Variants in RYR3 observed in about 807,000 individuals in gnomAD.
RYR3 encodes ryanodine receptor 3.
A neutral mutation model predicts 584.3 loss-of-function variants in RYR3; 207 were observed. The ratio of observed to expected loss-of-function variants is 0.35; its 90% CI spans 0.32 to 0.40. The LOEUF is 0.40. RYR3 is among the 10% of genes least tolerant of loss of function. RYR3 has a pLI of 1.00. For missense variants in RYR3, 5,616 were observed against 6,089.2 expected (o/e 0.92, Z 2.59); for synonymous variants, 2,416 against 2,248.5 (o/e 1.07, Z -2.11).
chr15:33,594,165 C>T (rs1232996505), intron 16 of RYR3, among the ~76,000 whole-genome samples: 3 of 152,140 alleles, frequency 2.0e-5, no homozygotes, highest in African/African-American at 7.2e-5. Context: ...AATATGAGGC[C>T]ATTTGTTCCA....
intron 29 of RYR3, among the ~76,000 whole-genome samples, chr15:33,647,144 G>A (rs919289972): frequency 6.6e-6 from 1 of 152,154 alleles, no homozygotes; most frequent in African/African-American, 2.4e-5. Flanking sequence ...CTATTCAGAG[G>A]TATCCCTACT....
chr15:33,445,722 A>G (rs1022417729), intron 1 of RYR3, among the ~76,000 whole-genome samples: 2 of 123,846 alleles, frequency 1.6e-5, no homozygotes, highest in Non-Finnish European at 3.6e-5. Context: ...CACGAAAGCC[A>G]TTTGAGATTC....
intron 3 of RYR3, among the ~76,000 whole-genome samples, chr15:33,513,337 C>A (rs1456725623): frequency 1.3e-5 from 2 of 152,174 alleles, no homozygotes; most frequent in Non-Finnish European, 2.9e-5. Context: ...GCTAGAGAAA[C>A]CCTGATCTCA....
chr15:33,642,137 T>G (rs1163390039), intron 27 of RYR3, among the ~76,000 whole-genome samples: 1 of 152,124 alleles, frequency 6.6e-6, no homozygotes, highest in Non-Finnish European at 1.5e-5. Context: ...AAAAAAGAAG[T>G]CTTATGCAGT....
chr15:33,488,228 G>A (rs2050635099), intron 2 of RYR3, among the ~76,000 whole-genome samples: 1 of 152,170 alleles, frequency 6.6e-6, no homozygotes, highest in African/African-American at 2.4e-5. Context: ...TATTCAGTGT[G>A]TAAAGTAGCA....
intron 14 of RYR3, among the ~76,000 whole-genome samples, chr15:33,584,144 G>A (rs1450028524): frequency 6.6e-6 from 1 of 152,018 alleles, no homozygotes; most frequent in South Asian, 2.1e-4. Context: ...AGGCTGAGGC[G>A]AGAGGATCAC....
chr15:33,319,447 C>T (rs1968652284), intron 1 of RYR3, among the ~76,000 whole-genome samples: 1 of 152,190 alleles, frequency 6.6e-6, no homozygotes. Flanking sequence ...CAGTGGTTTT[C>T]CTCCAAGTAA....
chr15:33,861,249 A>G, intron 102 of RYR3, 71 bp downstream of exon 102: 1 of 1,136,374 alleles, frequency 8.8e-7, no homozygotes. Flanking sequence ...CATATAGTTC[A>G]GTCTCTGCTG....
intron 1 of RYR3, among the ~76,000 whole-genome samples, chr15:33,352,652 C>G (rs1973437861): frequency 6.6e-6 from 1 of 152,172 alleles, no homozygotes; most frequent in South Asian, 2.1e-4. Flanking sequence ...TACTTTGGGT[C>G]TGATACTCTT....
chr15:33,841,885 A>T lies in RYR3; in HGVS notation c.13059A>T (p.Glu4353Asp). Residue 4353 changes from glutamate (E) to aspartate (D), a missense_variant, in exon 91 of 104, where the codon GAA (glutamate) becomes GAT (aspartate). Transcript: ENST00000634891. Reference protein sequence around the residue: ...EKADMEDGEKEDKDKEEEQAE... With the variant: ...EKADMEDGEKDDKDKEEEQAE... ...GCAGCATGGAAGATGGAGAGAAGGA[A>T]GACAAAGACAAAGAAGAGGAGCAAG... 6.3e-7 allele frequency: 1 copy of T among 1,595,466 alleles called. No homozygotes were observed. Among genetic ancestry groups the T allele is most frequent in the South Asian group, 1.1e-5 (1 of 87,528 alleles).
At chr15:33,496,986 G>T (rs1400047871) in intron 2 of RYR3, among the ~76,000 whole-genome samples, 1 of 152,188 alleles carries the variant, frequency 6.6e-6, no homozygotes, top group Non-Finnish European at 1.5e-5. Context: ...CCCCAGAGCA[G>T]CTGGTACAGG....
chr15:33,784,680 C>T (rs566871319), intron 65 of RYR3, among the ~76,000 whole-genome samples: 1 of 152,108 alleles, frequency 6.6e-6, no homozygotes, highest in Non-Finnish European at 1.5e-5. Flanking sequence ...TCAATGGGTG[C>T]GTATGCAAAC....
intron 1 of RYR3, among the ~76,000 whole-genome samples, chr15:33,354,127 A>G (rs16969954): frequency 0.079 from 12,081 of 152,264 alleles, 954 homozygotes; most frequent in African/African-American, 0.2. Flanking sequence ...ACTTATTGTT[A>G]CTGCCCAACA....
rs149769557 is a variant in RYR3 at position 33,692,673 on chromosome 15, C to T, written c.5861-3545C>T. ...AGCTTGGTCACACATAAATATTTAT[C>T]CCGTTCTCTGACACTTACTTTGAAG... On this transcript the variant is annotated intron_variant, in intron 38 of 103. Transcript: ENST00000634891. 5.3e-3 allele frequency among the ~76,000 whole-genome samples: 792 copies of T among 148,452 alleles called. 5 individuals are homozygous for T. The highest frequency in any genetic ancestry group is 8.0e-3 in the Admixed American group (117 of 14,666).
chr15:33,659,795 G>C lies in RYR3; in HGVS notation c.4384G>C (p.Gly1462Arg), dbSNP rs2063038252. ...TACTTCTTTGTTTCAGTTTGAACTT[G>C]GAAAGCTGAAGGTATTTATTTGTCC... is the stretch of plus-strand genomic sequence containing the variant. ...TSTSLFQFEL[G>R]KLKNAMPLSA... The change falls in exon 33 of 104, where the codon GGA (glycine) becomes CGA (arginine). Residue 1462 changes from glycine to arginine, a missense_variant. Physicochemically the swap from Gly to Arg is moderately radical, Grantham distance 125. This residue lies in a region of RYR3 where 753 missense variants were observed against 741.0 expected (regional missense o/e 1.02). Coordinates refer to ENST00000634891, the MANE Select transcript of RYR3 (RefSeq NM_001036.6). 1 of 1,608,608 alleles carries C rather than the reference G, an allele frequency of 6.2e-7. No homozygotes were observed. Among genetic ancestry groups the C allele is most frequent in the South Asian group, 1.1e-5 (1 of 90,884 alleles).
intron 31 of RYR3, 53 bp downstream of exon 31, chr15:33,649,288 C>G: frequency 1.9e-6 from 3 of 1,544,110 alleles, no homozygotes; most frequent in South Asian, 2.3e-5. Context: ...CAGTCCCTCC[C>G]CCCAGTCTTT....
Position 33,843,580 on chromosome 15 carries a change from A to G in RYR3, c.13296+6A>G. 1.3e-6 allele frequency: 2 copies of G among 1,560,194 alleles called. No homozygotes were observed. Among genetic ancestry groups the G allele is most frequent in the South Asian group, 2.3e-5 (2 of 86,194 alleles). On this transcript the variant is annotated splice_donor_region_variant and intron_variant, in intron 92 of 103. Coordinates refer to ENST00000634891, the MANE Select transcript of RYR3 (RefSeq NM_001036.6). ...TCATCCTGCTTTTTTATAAGGTGAT[A>G]CTTCATTCAGGGGTTATTTGCTAAA...
Position 33,826,724 on chromosome 15 carries a change from A to G in RYR3, c.11217A>G (p.Leu3739=). The G allele has an allele frequency of 6.2e-7, 1 of 1,613,578 alleles. No individual in the cohort carries two copies. Among genetic ancestry groups the G allele is most frequent in the Non-Finnish European group, 8.5e-7 (1 of 1,179,678 alleles). Residue 3739 remains leucine (L), a synonymous_variant, in exon 84 of 104, where the codon CTA becomes CTG. Coordinates refer to ENST00000634891, the MANE Select transcript of RYR3 (RefSeq NM_001036.6). ...DEFTRDLFRF[L]QLLCEGHNSD... Reference sequence around the variant, plus strand: ...TCACGCGTGATCTCTTTAGATTCCTACAGTTACTTTGTGAGGGACATAACA... The same window carrying G: ...TCACGCGTGATCTCTTTAGATTCCTGCAGTTACTTTGTGAGGGACATAACA...
chr15:33,358,321 A>C (rs1235680555), intron 1 of RYR3, among the ~76,000 whole-genome samples: 1 of 152,190 alleles, frequency 6.6e-6, no homozygotes, highest in African/African-American at 2.4e-5. Context: ...ACTGCTGCCC[A>C]TCTGGAACTC....
Sources: gnomAD v4.1 joint callset for allele counts (sites outside exome capture counted in the v4.1 genomes callset) on GRCh38, gnomAD v4.1.1 for gene constraint, gnomAD v4.1.1 regional missense constraint, MANE v1.5 for transcripts, NCBI Gene and HGNC (gene_info 2026-07-23, HGNC 2026-07-21) for gene names.